Variants in DSCAML1 observed in about 807,000 individuals in gnomAD.
DSCAML1 encodes DS cell adhesion molecule like 1.
In DSCAML1, 38 loss-of-function variants were observed where a neutral mutation model predicts 200.5. The ratio of observed to expected loss-of-function variants is 0.19; its 90% CI spans 0.15 to 0.25. The LOEUF (loss-of-function observed/expected upper bound fraction) is 0.25. Among genes scored for constraint, DSCAML1 ranks in the 10% least tolerant of loss-of-function variants. The pLI is 1.00. For synonymous variants in DSCAML1, 1,215 were observed against 1,165.0 expected (o/e 1.04, Z -0.87); for missense variants, 2,223 against 2,858.8 (o/e 0.78, Z 5.07).
chr11:117,676,716 G>A (rs1211596058), intron 3 of DSCAML1, among the ~76,000 whole-genome samples: 2 of 152,230 alleles, frequency 1.3e-5, no homozygotes, highest in African/African-American at 4.8e-5. Context: ...CAGTGTGGGT[G>A]GGAGCTTCAC....
intron 3 of DSCAML1, among the ~76,000 whole-genome samples, chr11:117,712,937 G>A: frequency 6.6e-6 from 1 of 152,058 alleles, no homozygotes; most frequent in East Asian, 1.9e-4. Flanking sequence ...TAGGGAAAGA[G>A]ATTGAGGTAT....
In DSCAML1 at chr11:117,432,363, CG is replaced by C; in HGVS notation, c.5167del (p.Arg1723GlyfsTer12). 1 of 1,613,510 alleles carries C rather than the reference CG, an allele frequency of 6.2e-7. No individual in the cohort carries two copies. The highest frequency in any genetic ancestry group is 8.5e-7 in the Non-Finnish European group (1 of 1,179,826). ...TGPLIDMSDI[R>X]PGTNPVSRKN... ...GGGATAATGCGTACTGGTTCCTGGC[CG>C]GATGTCAGACATGTCGATGAGGGGT... On this transcript the variant is annotated frameshift_variant, in exon 30 of 33. Transcript: ENST00000651296. LOFTEE classifies it high-confidence loss of function.
At chr11:117,661,949 A>G (rs2052863301) in intron 3 of DSCAML1, among the ~76,000 whole-genome samples, 1 of 152,240 alleles carries the variant, frequency 6.6e-6, no homozygotes, top group African/African-American at 2.4e-5. Context: ...CTTGAAGGCC[A>G]GACACCAGTA....
chr11:117,661,314 A>G (rs1240627844), intron 3 of DSCAML1, among the ~76,000 whole-genome samples: 2 of 152,240 alleles, frequency 1.3e-5, no homozygotes, highest in African/African-American at 4.8e-5. Context: ...CCAAAGAGGT[A>G]GCCATGGCAA....
intron 16 of DSCAML1, among the ~76,000 whole-genome samples, chr11:117,465,444 G>C (rs538593879): frequency 6.6e-6 from 1 of 152,178 alleles, no homozygotes; most frequent in East Asian, 1.9e-4. Flanking sequence ...CCATCTCAGG[G>C]GAAACACTCC....
intron 3 of DSCAML1, chr11:117,611,548 A>G (rs2051693814): frequency 6.6e-6 from 1 of 152,200 alleles, no homozygotes; most frequent in Admixed American, 6.5e-5. Flanking sequence ...CAACCTTTTT[A>G]TTGAATGACT....
intron 3 of DSCAML1, among the ~76,000 whole-genome samples, chr11:117,729,309 A>G (rs2054181077): frequency 6.6e-6 from 1 of 152,360 alleles, no homozygotes; most frequent in African/African-American, 2.4e-5. Flanking sequence ...AGCTAAAAAT[A>G]TAAAACTGTT....
chr11:117,555,465 C>A (rs578205805), intron 3 of DSCAML1, among the ~76,000 whole-genome samples: 1 of 152,142 alleles, frequency 6.6e-6, no homozygotes, highest in African/African-American at 2.4e-5. Context: ...ATGAAGTGAC[C>A]GCTGTCTCTG....
intron 3 of DSCAML1, among the ~76,000 whole-genome samples, chr11:117,717,182 T>C (rs1262587604): frequency 6.6e-6 from 1 of 152,206 alleles, no homozygotes; most frequent in African/African-American, 2.4e-5. Flanking sequence ...TCGATCAGGC[T>C]GCCTCCGGTC....
chr11:117,545,966 C>T (rs895226195), intron 3 of DSCAML1, among the ~76,000 whole-genome samples: 3 of 152,228 alleles, frequency 2.0e-5, no homozygotes, highest in South Asian at 4.1e-4. Flanking sequence ...AGGGTGGACA[C>T]GCCTGGGTCA....
chr11:117,607,926 C>G (rs766860421), intron 3 of DSCAML1, among the ~76,000 whole-genome samples: 3 of 152,214 alleles, frequency 2.0e-5, no homozygotes, highest in Non-Finnish European at 2.9e-5. Context: ...TGCATGAAAT[C>G]CCACCAGAGC....
rs1434148681 is a variant in DSCAML1 at position 117,437,613 on chromosome 11, G to T, written c.4433-204C>A. 6.6e-6 allele frequency among the ~76,000 whole-genome samples: 1 copy of T among 152,152 alleles called. No homozygotes were observed. The highest frequency in any genetic ancestry group is 2.1e-4 in the South Asian group (1 of 4,824). ...AGGGAGGAGAGGGAAGAAAAGGGCA[G>T]GGCCTGGAGAGGGGCCTCAGTAGAG... On this transcript the variant is annotated intron_variant, in intron 25 of 32. Coordinates refer to ENST00000651296, the MANE Select transcript of DSCAML1 (RefSeq NM_020693.4). This position sits in a 1 kb window ranked among gnomAD's most constrained non-coding sequence, Gnocchi z 5.3.
At chr11:117,519,397 G>A (rs1222994700) in intron 6 of DSCAML1, among the ~76,000 whole-genome samples, 1 of 152,228 alleles carries the variant, frequency 6.6e-6, no homozygotes, top group African/African-American at 2.4e-5. Context: ...TTGGCTAACA[G>A]AATAACCTTG....
At chr11:117,467,617 G>C (rs1258485900) in intron 16 of DSCAML1, among the ~76,000 whole-genome samples, 1 of 151,764 alleles carries the variant, frequency 6.6e-6, no homozygotes, top group Non-Finnish European at 1.5e-5. Flanking sequence ...CACTAAATAG[G>C]TGTGTGTCTG....
chr11:117,518,910 A>G lies in DSCAML1; in HGVS notation c.1214-148T>C. On this transcript the variant is annotated intron_variant, in intron 6 of 32. Coordinates refer to ENST00000651296, the MANE Select transcript of DSCAML1 (RefSeq NM_020693.4). The surrounding 1 kb of genome is among the most constrained non-coding windows in gnomAD (Gnocchi z 6.3). ...GTACATCAATTCTTCTGCTATCCGC[A>G]ACCCCAAGTGGTGCCAGTTACTGCT... is the stretch of plus-strand genomic sequence containing the variant. The G allele has an allele frequency of 1.1e-6, 1 of 879,312 alleles. No individual in the cohort carries two copies. Among genetic ancestry groups the G allele is most frequent in the Non-Finnish European group, 1.7e-6 (1 of 591,152 alleles). 54.5% of individuals were successfully genotyped at this position (879,312 alleles called of 1,614,324 possible). A position where few individuals can be genotyped will look rare whatever the true frequency, so the allele number is the denominator to read the frequency against.
Position 117,469,918 on chromosome 11 carries a change from T to C in DSCAML1, c.3016A>G (p.Thr1006Ala). 6.2e-7 allele frequency: 1 copy of C among 1,606,250 alleles called. No individual in the cohort carries two copies. Among genetic ancestry groups the C allele is most frequent in the Non-Finnish European group, 8.5e-7 (1 of 1,174,916 alleles). The change falls in exon 16 of 33, where the codon ACC (threonine) becomes GCC (alanine). Residue 1006 changes from threonine to alanine, a missense_variant. This residue lies in a region of DSCAML1 where 438 missense variants were observed against 629.7 expected (regional missense o/e 0.70). Transcript: ENST00000651296. The surrounding 1 kb of genome is among the most constrained non-coding windows in gnomAD (Gnocchi z 4.1). ...QPVTSQSIQV[T>A]WKAPKKELQN... ...GCCTTAGACACACTTACCTTCCAGG[T>C]CACCTGGATGCTCTGTGAGGTCACT...
At chr11:117,434,183 TCCATCCATCCATCCATTCACTGATCTAG>T (rs1262883058) in intron 27 of DSCAML1, among the ~76,000 whole-genome samples, 1 of 152,064 alleles carries the variant, frequency 6.6e-6, no homozygotes, top group Non-Finnish European at 1.5e-5. Context: ...CATCCATTGA[TCCATCCATCCATCCATTCACTGATCTAG>T]CCATCCATCC....
At chr11:117,561,463 A>G (rs1035899971) in intron 3 of DSCAML1, among the ~76,000 whole-genome samples, 1 of 152,220 alleles carries the variant, frequency 6.6e-6, no homozygotes, top group African/African-American at 2.4e-5. Context: ...TATGGGGATG[A>G]AATCTGCACA....
At chr11:117,623,216 CTT>C (rs56343852) in intron 3 of DSCAML1, among the ~76,000 whole-genome samples, 18 of 121,096 alleles carry the variant, frequency 1.5e-4, no homozygotes, top group East Asian at 2.3e-4. Flanking sequence ...CTTTTCTTTT[CTT>C]TTTTTTTTTT....
Sources: allele counts gnomAD v4.1 joint callset (sites outside exome capture counted in the v4.1 genomes callset), GRCh38; gene constraint gnomAD v4.1.1; regional missense constraint gnomAD v4.1.1; non-coding constraint Gnocchi (gnomAD v3.1); transcripts MANE v1.5; gene names NCBI Gene and HGNC (gene_info 2026-07-23, HGNC 2026-07-21).